Variants in ELAVL2 observed in about 807,000 individuals in gnomAD.
ELAVL2 encodes the protein ELAV-like protein 2.
ELAVL2 carries 4 observed loss-of-function variants against 34.6 expected under a neutral mutation model. The ratio of observed to expected loss-of-function variants is 0.12; its 90% CI spans 0.06 to 0.26. The LOEUF (loss-of-function observed/expected upper bound fraction) is 0.26. Ranked by LOEUF, ELAVL2 falls within the 10% of genes least tolerant of loss-of-function variation. The probability of loss-of-function intolerance (pLI) is 1.00; values close to 1 mark genes in which losing one functional copy is unlikely to be tolerated. For synonymous variants in ELAVL2, 193 were observed against 154.8 expected (o/e 1.25, Z -1.83); for missense variants, 432 against 442.8 (o/e 0.98, Z 0.22).
chr9:23,725,201 T>TCCG (rs1002319278), intron 3 of ELAVL2, among the ~76,000 whole-genome samples: 43 of 152,244 alleles, frequency 2.8e-4, no homozygotes, highest in African/African-American at 9.6e-4. Context: ...CTCAAAACCC[T>TCCG]CCGGTGCCCC....
chr9:23,705,720 C>A (rs1450859777), intron 3 of ELAVL2, among the ~76,000 whole-genome samples: 1 of 152,196 alleles, frequency 6.6e-6, no homozygotes, highest in East Asian at 1.9e-4. Flanking sequence ...TGATGAGAAT[C>A]TAATGCTGCA....
chr9:23,725,976 G>C (rs1360616065), intron 3 of ELAVL2, among the ~76,000 whole-genome samples: 1 of 151,912 alleles, frequency 6.6e-6, no homozygotes, highest in Non-Finnish European at 1.5e-5. Flanking sequence ...CCAAGATTAA[G>C]CAGCCAGTTA....
chr9:23,720,116 C>T (rs949485735), intron 3 of ELAVL2, among the ~76,000 whole-genome samples: 69 of 148,248 alleles, frequency 4.7e-4, no homozygotes, highest in Non-Finnish European at 8.5e-4. Flanking sequence ...CGTGAGCCAC[C>T]GCGCCTGGCT....
chr9:23,745,542 T>A (rs2050279839), intron 2 of ELAVL2, among the ~76,000 whole-genome samples: 1 of 152,080 alleles, frequency 6.6e-6, no homozygotes, highest in Non-Finnish European at 1.5e-5. Flanking sequence ...ATGACTTACT[T>A]GCTGGGAAAA....
chr9:23,762,162 AGTT>A lies in ELAVL2; in HGVS notation c.70_72del (p.Asn24del). 6.2e-7 allele frequency: 1 copy of A among 1,613,674 alleles called. No homozygotes were observed. ...TTCCCAGAGTCAACTGGTGACGAAC[AGTT>A]GTTGTTTATGGTGGTTGGACCATTG... On this transcript the variant is annotated inframe_deletion, in exon 2 of 7. Transcript: ENST00000397312.
the ELAVL2 span, among the ~76,000 whole-genome samples, chr9:23,845,215 T>A: frequency 6.6e-6 from 1 of 151,846 alleles, no homozygotes; most frequent in African/African-American, 2.4e-5. Flanking sequence ...TAGCTTCATA[T>A]TGCTATAACC....
intron 3 of ELAVL2, among the ~76,000 whole-genome samples, chr9:23,730,252 G>C (rs2046213346): frequency 6.6e-6 from 1 of 152,080 alleles, no homozygotes; most frequent in Non-Finnish European, 1.5e-5. Flanking sequence ...TCTCAAGAGA[G>C]AATCTACATA....
At chr9:23,802,670 G>C (rs2061711772) in intron 1 of ELAVL2, among the ~76,000 whole-genome samples, 1 of 152,128 alleles carries the variant, frequency 6.6e-6, no homozygotes. Flanking sequence ...ATACATCCGG[G>C]AAGTCAAGAG....
At chr9:23,814,411 A>AG (rs1407258933) in intron 1 of ELAVL2, among the ~76,000 whole-genome samples, 1 of 152,186 alleles carries the variant, frequency 6.6e-6, no homozygotes, top group African/African-American at 2.4e-5. Context: ...CAAGGGACAG[A>AG]GGGCAAGTAC....
rs139149645 is a variant in ELAVL2, at chr9:23,701,590, C to T, written c.502G>A (p.Val168Ile). 9.3e-6 allele frequency: 15 copies of T among 1,613,960 alleles called. No individual in the cohort carries two copies. Among genetic ancestry groups the T allele is most frequent in the Admixed American group, 3.3e-5 (2 of 59,998 alleles). The change falls in exon 5 of 7, where the codon GTA (valine) becomes ATA (isoleucine). Residue 168 changes from valine to isoleucine, a missense_variant. Physicochemically the swap from Val to Ile is conservative, Grantham distance 29 (BLOSUM62 3). Coordinates refer to ENST00000397312, the MANE Select transcript of ELAVL2 (RefSeq NM_004432.5). Reference protein sequence around the residue: ...VDQVTGISRGVGFIRFDKRIE... With the variant: ...VDQVTGISRGIGFIRFDKRIE... ...CGCTTGTCAAATCGAATAAACCCTACACCCCTTGATATGCCTATGGTAGAT... is the reference window on the plus strand; with the variant it reads ...CGCTTGTCAAATCGAATAAACCCTATACCCCTTGATATGCCTATGGTAGAT...
At chr9:23,754,039 C>A (rs913060974) in intron 2 of ELAVL2, among the ~76,000 whole-genome samples, 2 of 152,108 alleles carry the variant, frequency 1.3e-5, no homozygotes, top group Non-Finnish European at 2.9e-5. Context: ...AATCAAAACT[C>A]CTAAACCTCA....
At chr9:23,696,820 G>C (rs936368221) in intron 5 of ELAVL2, among the ~76,000 whole-genome samples, 1 of 152,090 alleles carries the variant, frequency 6.6e-6, no homozygotes, top group Admixed American at 6.5e-5. Flanking sequence ...TAAATGGAGA[G>C]CAAGCTAGCT....
intron 3 of ELAVL2, among the ~76,000 whole-genome samples, chr9:23,711,826 A>C (rs2041045135): frequency 6.6e-6 from 1 of 152,178 alleles, no homozygotes; most frequent in Non-Finnish European, 1.5e-5. Context: ...TAACTACCAC[A>C]CACTCACTGT....
rs1304285028 is a variant in ELAVL2 at position 23,691,286 on chromosome 9, A to C, written c.*1271T>G. ...AAATTAAATTAGCTGAAAGGTTCAT[A>C]AACACAAGGTCTTATTTACATTACA... On this transcript the variant is annotated 3_prime_UTR_variant, in exon 7 of 7. Coordinates refer to ENST00000397312, the MANE Select transcript of ELAVL2 (RefSeq NM_004432.5). The C allele has an allele frequency of 6.6e-6, 1 of 152,638 alleles. No individual in the cohort carries two copies. Among genetic ancestry groups the C allele is most frequent in the East Asian group, 1.9e-4 (1 of 5,202 alleles). 9.5% of individuals were successfully genotyped at this position (152,638 alleles called of 1,614,324 possible).
intron 1 of ELAVL2, among the ~76,000 whole-genome samples, chr9:23,800,407 G>C (rs183382138): frequency 6.6e-6 from 1 of 152,168 alleles, no homozygotes; most frequent in Non-Finnish European, 1.5e-5. Context: ...TAGTGCCCAA[G>C]AGCAGCTCTA....
At chr9:23,786,742 C>G (rs2059722958) in intron 1 of ELAVL2, among the ~76,000 whole-genome samples, 1 of 127,348 alleles carries the variant, frequency 7.9e-6, no homozygotes, top group African/African-American at 3.0e-5. Flanking sequence ...AGTATATAAG[C>G]AGGAAACCTG....
At chr9:23,824,127 A>T (rs1315986642) in intron 1 of ELAVL2, among the ~76,000 whole-genome samples, 5 of 152,168 alleles carry the variant, frequency 3.3e-5, no homozygotes. Context: ...CCCTCGCCAT[A>T]ATAAAACCAG....
intron 6 of ELAVL2, 31 bp from the exon 7 acceptor site, chr9:23,692,915 CA>C: frequency 6.3e-7 from 1 of 1,588,840 alleles, no homozygotes; most frequent in South Asian, 1.1e-5. Context: ...TACACACATA[CA>C]CACAAAAAAT....
the ELAVL2 span, among the ~76,000 whole-genome samples, chr9:23,849,203 TGAA>T: frequency 6.6e-6 from 1 of 152,174 alleles, no homozygotes; most frequent in Admixed American, 6.5e-5. Flanking sequence ...GAAAGGATGC[TGAA>T]GAAGGACTCT....
Sources: gnomAD v4.1 joint callset for allele counts (sites outside exome capture counted in the v4.1 genomes callset) on GRCh38, gnomAD v4.1.1 for gene constraint, MANE v1.5 for transcripts, NCBI Gene and HGNC (gene_info 2026-07-23, HGNC 2026-07-21) for gene names.